Variants in SLC49A4 observed in about 807,000 individuals in gnomAD.
SLC49A4 encodes the protein solute carrier family 49 member 4, also known as disrupted in renal cancer protein 2.
SLC49A4 carries 36 observed loss-of-function variants against 50.6 expected under a neutral mutation model. That is an observed-to-expected ratio of 0.71 (90% CI 0.55 to 0.94). The LOEUF (loss-of-function observed/expected upper bound fraction) is 0.94, where lower values mean the gene tolerates loss of function less well. SLC49A4 is among the 40% of genes least tolerant of loss of function. SLC49A4 has a pLI of 0.00. For missense variants in SLC49A4, 503 were observed against 605.7 expected (o/e 0.83, Z 1.78); for synonymous variants, 248 against 241.2 (o/e 1.03, Z -0.26).
At chr3:122,855,277 G>A (rs893225997) in intron 5 of SLC49A4, among the ~76,000 whole-genome samples, 1 of 152,172 alleles carries the variant, frequency 6.6e-6, no homozygotes, top group Non-Finnish European at 1.5e-5. Flanking sequence ...TCTGGCAACA[G>A]TGAGCAAAAT....
intron 6 of SLC49A4, 114 bp downstream of exon 6, chr3:122,856,488 G>A (rs1334540200): frequency 2.1e-6 from 2 of 932,696 alleles, no homozygotes; most frequent in African/African-American, 1.7e-5. Context: ...ACAAGCAAAG[G>A]TCAGAAAGGG....
In SLC49A4 at chr3:122,879,248, T is replaced by A. The variant is rs370649067; in HGVS notation, c.1322-15T>A. ...TACATGAATGTTTAAAACTGCATGTTTTTTTGTCTTACAGAGTTGTCTTGG... is the reference window on the plus strand; with the variant it reads ...TACATGAATGTTTAAAACTGCATGTATTTTTGTCTTACAGAGTTGTCTTGG... On this transcript the variant is annotated splice_polypyrimidine_tract_variant and intron_variant, in intron 8 of 8. Coordinates refer to ENST00000261038, the MANE Select transcript of SLC49A4 (RefSeq NM_032839.3). 1 of 1,596,804 alleles carries A rather than the reference T, an allele frequency of 6.3e-7. No homozygotes were observed.
At chr3:122,871,465 C>A (rs1423001919) in intron 7 of SLC49A4, among the ~76,000 whole-genome samples, 1 of 151,990 alleles carries the variant, frequency 6.6e-6, no homozygotes, top group Non-Finnish European at 1.5e-5. Flanking sequence ...TCCTTACTTT[C>A]TGCAGTTCCC....
chr3:122,826,018 C>T (rs759613312), intron 2 of SLC49A4, among the ~76,000 whole-genome samples: 2 of 152,192 alleles, frequency 1.3e-5, no homozygotes, highest in Non-Finnish European at 2.9e-5. Flanking sequence ...AGTATGAGAA[C>T]TGGAAGGGAC....
intron 1 of SLC49A4, among the ~76,000 whole-genome samples, chr3:122,805,695 CAG>C (rs1936208262): frequency 1.3e-5 from 2 of 152,186 alleles, no homozygotes; most frequent in Non-Finnish European, 2.9e-5. Flanking sequence ...TTAGTATTAA[CAG>C]AGGCGTAGCA....
chr3:122,816,607 G>A (rs1426811981), intron 2 of SLC49A4, among the ~76,000 whole-genome samples: 1 of 152,108 alleles, frequency 6.6e-6, no homozygotes, highest in African/African-American at 2.4e-5. Context: ...AAAATAGAGT[G>A]GTTCAAACAA....
chr3:122,810,964 T>C (rs1445597814), intron 2 of SLC49A4, among the ~76,000 whole-genome samples: 1 of 152,172 alleles, frequency 6.6e-6, no homozygotes, highest in Admixed American at 6.6e-5. Context: ...ATGTAAATAA[T>C]GAATCATAAA....
intron 7 of SLC49A4, among the ~76,000 whole-genome samples, chr3:122,867,314 T>C (rs1388926663): frequency 6.6e-6 from 1 of 152,208 alleles, no homozygotes; most frequent in East Asian, 1.9e-4. Flanking sequence ...GCCTTGTTAC[T>C]TTTTTTCTTT....
At chr3:122,871,655 A>T (rs1259757421) in intron 7 of SLC49A4, among the ~76,000 whole-genome samples, 1 of 152,076 alleles carries the variant, frequency 6.6e-6, no homozygotes, top group African/African-American at 2.4e-5. Flanking sequence ...TTCTGTTTTC[A>T]CCTTCAAGTT....
intron 8 of SLC49A4, among the ~76,000 whole-genome samples, chr3:122,873,437 C>T (rs1357068551): frequency 1.3e-5 from 2 of 152,122 alleles, no homozygotes; most frequent in African/African-American, 4.8e-5. Context: ...ACCTCAGCCT[C>T]CTAAAGTGCT....
chr3:122,834,663 A>G (rs897770896), intron 4 of SLC49A4, among the ~76,000 whole-genome samples: 1 of 152,190 alleles, frequency 6.6e-6, no homozygotes, highest in East Asian at 1.9e-4. Flanking sequence ...CTAGAGAAAC[A>G]ATAACAAACC....
intron 2 of SLC49A4, among the ~76,000 whole-genome samples, chr3:122,807,999 A>G (rs1389931394): frequency 1.3e-5 from 2 of 152,178 alleles, no homozygotes; most frequent in African/African-American, 4.8e-5. Context: ...AGACCTGGAA[A>G]GATACAGTGG....
intron 5 of SLC49A4, among the ~76,000 whole-genome samples, chr3:122,851,022 T>A (rs1410342457): frequency 9.9e-5 from 15 of 152,208 alleles, no homozygotes. Flanking sequence ...CCCTAAAAAG[T>A]ACAGAATGCA....
intron 3 of SLC49A4, 69 bp from the exon 4 acceptor site, chr3:122,833,248 A>G (rs1936630827): frequency 3.2e-5 from 48 of 1,509,596 alleles, no homozygotes; most frequent in Non-Finnish European, 4.3e-5. Context: ...TTCAAAAAAC[A>G]AATAAATACT....
chr3:122,831,331 T>C (rs1433432370), intron 3 of SLC49A4, among the ~76,000 whole-genome samples: 2 of 152,128 alleles, frequency 1.3e-5, no homozygotes, highest in Admixed American at 6.5e-5. Context: ...TACATGAGCA[T>C]TATTTATAAT....
chr3:122,837,605 A>C (rs1284069024), intron 4 of SLC49A4, among the ~76,000 whole-genome samples: 1 of 152,180 alleles, frequency 6.6e-6, no homozygotes, highest in African/African-American at 2.4e-5. Flanking sequence ...AACCATAAAA[A>C]CCCTAGAAGA....
intron 1 of SLC49A4, 111 bp from the exon 2 acceptor site, chr3:122,806,746 G>T: frequency 1.8e-5 from 11 of 617,902 alleles, no homozygotes; most frequent in South Asian, 3.5e-5. Context: ...ATACAGAAAA[G>T]CCATAATATT....
At chr3:122,823,882 A>G (rs1409159397) in intron 2 of SLC49A4, among the ~76,000 whole-genome samples, 2 of 152,246 alleles carry the variant, frequency 1.3e-5, no homozygotes, top group Admixed American at 1.3e-4. Flanking sequence ...AAACATGACA[A>G]TCTTAATATT....
intron 2 of SLC49A4, among the ~76,000 whole-genome samples, chr3:122,821,657 A>G (rs1174931279): frequency 6.6e-6 from 1 of 152,148 alleles, no homozygotes; most frequent in Non-Finnish European, 1.5e-5. Flanking sequence ...TCTGCTCCAG[A>G]GCTTATTGCC....
Sources: allele counts gnomAD v4.1 joint callset (sites outside exome capture counted in the v4.1 genomes callset), GRCh38; gene constraint gnomAD v4.1.1; transcripts MANE v1.5; gene names NCBI Gene and HGNC (gene_info 2026-07-23, HGNC 2026-07-21).